The following HSBP1 variants were observed in gnomAD, a reference collection of about 807,000 sequenced individuals.
HSBP1 encodes the protein heat shock factor binding protein 1.
HSBP1 carries 5 observed loss-of-function variants against 9.6 expected under a neutral mutation model. That is an observed-to-expected ratio of 0.52 (90% CI 0.27 to 1.09). The LOEUF is 1.09. Among genes scored for constraint, HSBP1 ranks in the 50% least tolerant of loss-of-function variants. The pLI is 0.11. For missense variants in HSBP1, 121 were observed against 96.3 expected, an observed-to-expected ratio of 1.26 and a Z score of -1.07; for synonymous variants, 42 against 33.3, an observed-to-expected ratio of 1.26 and a Z score of -0.90.
In HSBP1 at chr16:83,811,470, G is replaced by T. The variant is rs1198692416; in HGVS notation, c.*52G>T. The T allele has an allele frequency of 6.6e-6, 1 of 152,232 alleles. No homozygotes were observed. Among genetic ancestry groups the T allele is most frequent in the African/African-American group, 2.4e-5 (1 of 41,456 alleles). The allele number at this position is 152,232 out of a possible 1,614,324, so 9.4% of individuals were successfully genotyped here. On this transcript the variant is annotated 3_prime_UTR_variant, in exon 4 of 4. Transcript: ENST00000433866. ...CTGGCATTTTTCCAAGCCAAGAGAA[G>T]ATCGAATGGCTTTTTGCAGCTAACT...
chr16:83,813,047 AT>A lies in HSBP1; in HGVS notation c.*1630del, dbSNP rs1255412354. ...TTGGTTTTCAGATGGAAATGCAGAA[AT>A]CACATTAGAGTATCAACTAAAACCT... On this transcript the variant is annotated 3_prime_UTR_variant, in exon 4 of 4. Coordinates refer to ENST00000433866, the MANE Select transcript of HSBP1 (RefSeq NM_001537.4). The A allele has an allele frequency of 5.3e-5, 8 of 152,270 alleles. No individual in the cohort carries two copies. The highest frequency in any genetic ancestry group is 1.9e-4 in the African/African-American group (8 of 41,460). The allele number at this position is 152,270 out of a possible 1,614,324, so 9.4% of individuals were successfully genotyped here.
At chr16:83,809,108 A>G (rs1904535084) in intron 2 of HSBP1, 197 bp from the exon 3 acceptor site, 1 of 561,806 alleles carries the variant, frequency 1.8e-6, no homozygotes, top group Non-Finnish European at 3.2e-6. Context: ...ATCACTAGTA[A>G]GGGTCAGGGC....
chr16:83,808,100 C>T lies in HSBP1; in HGVS notation c.24C>T (p.Thr8=), dbSNP rs1327857342. 2.6e-6 allele frequency: 4 copies of T among 1,547,114 alleles called. No individual in the cohort carries two copies. Among genetic ancestry groups the T allele is most frequent in the South Asian group, 1.2e-5 (1 of 83,996 alleles). Residue 8 remains threonine (T), a synonymous_variant, in exon 1 of 4, where the codon ACC becomes ACT. Coordinates refer to ENST00000433866, the MANE Select transcript of HSBP1 (RefSeq NM_001537.4). ...AGATGGCCGAGACTGACCCCAAGAC[C>T]GTGCAGGACCTCACCTCGGTGGTAA... MAETDPK[T]VQDLTSVVQT...
chr16:83,810,417 C>T (rs1904573329), intron 3 of HSBP1, among the ~76,000 whole-genome samples: 2 of 143,864 alleles, frequency 1.4e-5, no homozygotes, highest in African/African-American at 5.2e-5. Flanking sequence ...TCATTTATAA[C>T]ATTTTAATTC....
rs1749549480 is a variant in HSBP1 at position 83,819,161 on chromosome 16, C to G, written c.*7743C>G. ...GCTTTAGGGTCAAATATGTCTAAAC[C>G]AAGAAGCCCCATGGGGCACTGATTA... On this transcript the variant is annotated 3_prime_UTR_variant, in exon 4 of 4. Coordinates refer to ENST00000433866, the MANE Select transcript of HSBP1 (RefSeq NM_001537.4). 6.6e-6 allele frequency: 1 copy of G among 151,810 alleles called. No homozygotes were observed. Among genetic ancestry groups the G allele is most frequent in the African/African-American group, 2.4e-5 (1 of 41,310 alleles). 9.4% of individuals were successfully genotyped at this position (151,810 alleles called of 1,614,324 possible). A position where few individuals can be genotyped will look rare whatever the true frequency, so the allele number is the denominator to read the frequency against.
chr16:83,811,017 G>T (rs1486873364), intron 3 of HSBP1, among the ~76,000 whole-genome samples: 1 of 152,192 alleles, frequency 6.6e-6, no homozygotes, highest in Non-Finnish European at 1.5e-5. Flanking sequence ...CACTGTGTGA[G>T]TAAATCACAT....
chr16:83,819,613 C>G lies in HSBP1; in HGVS notation c.*8195C>G, dbSNP rs1291423160. 6.6e-6 allele frequency: 1 copy of G among 152,136 alleles called. No homozygotes were observed. Among genetic ancestry groups the G allele is most frequent in the African/African-American group, 2.4e-5 (1 of 41,424 alleles). The allele number at this position is 152,136 out of a possible 1,614,324, so 9.4% of individuals were successfully genotyped here. A position where few individuals can be genotyped will look rare whatever the true frequency, so the allele number is the denominator to read the frequency against. ...AACTCTTAAGCCACAAAAGGATATC[C>G]AATCATTTAAAGCTTCCTGAGTGTT... On this transcript the variant is annotated 3_prime_UTR_variant, in exon 4 of 4. Transcript: ENST00000433866.
chr16:83,808,810 G>A, intron 2 of HSBP1, 64 bp downstream of exon 2: 3 of 1,164,914 alleles, frequency 2.6e-6, no homozygotes, highest in Non-Finnish European at 3.8e-6. Flanking sequence ...GGGCAGTGGT[G>A]GGGATAAATG....
chr16:83,817,380 G>A lies in HSBP1; in HGVS notation c.*5962G>A, dbSNP rs1166432254. The A allele has an allele frequency of 1.3e-5, 2 of 152,252 alleles. No homozygotes were observed. The highest frequency in any genetic ancestry group is 2.4e-5 in the African/African-American group (1 of 41,456). The allele number at this position is 152,252 out of a possible 1,614,324, so 9.4% of individuals were successfully genotyped here. On this transcript the variant is annotated 3_prime_UTR_variant, in exon 4 of 4. Transcript: ENST00000433866. ...AAGGATTTCTGATTCCCTGATGGGT[G>A]ATGACTCAGTAACCGGATTCAGCTT...
At position 83,809,385 on chromosome 16, in the gene HSBP1, G is replaced by A. The variant is rs1423576225; in HGVS notation, c.193G>A (p.Glu65Lys). The change falls in exon 3 of 4, where the codon GAA becomes AAA. Residue 65 changes from glutamate (E) to lysine (K), a missense_variant. Glu to Lys is a moderately conservative substitution (Grantham distance 56). Transcript: ENST00000433866. Reference protein sequence around the residue: ...LMTQAGVEELESENKIPATQK... With the variant: ...LMTQAGVEELKSENKIPATQK... ...GACACAGGCTGGGGTGGAAGAACTG[G>A]AAAGTGAAAACAAGATACCTGCCAC... 6 of 1,604,344 alleles carry A rather than the reference G, an allele frequency of 3.7e-6. No homozygotes were observed. Among genetic ancestry groups the A allele is most frequent in the African/African-American group, 1.3e-5 (1 of 74,634 alleles).
Position 83,808,009 on chromosome 16 carries a change from G to C in HSBP1, c.-68G>C. The C allele has an allele frequency of 7.2e-7, 1 of 1,393,106 alleles. No homozygotes were observed. The highest frequency in any genetic ancestry group is 9.7e-7 in the Non-Finnish European group (1 of 1,032,206). The allele number at this position is 1,393,106 out of a possible 1,614,324, so 86.3% of individuals were successfully genotyped here. A position where few individuals can be genotyped will look rare whatever the true frequency, so the allele number is the denominator to read the frequency against. On this transcript the variant is annotated 5_prime_UTR_variant, in exon 1 of 4. Coordinates refer to ENST00000433866, the MANE Select transcript of HSBP1 (RefSeq NM_001537.4). ...GTCGCGAGAAGCAGCGGCCCGGGGC[G>C]ACTGAGCGGACAAACGGAAGTGTAG...
rs1291752606 is a variant in HSBP1 at position 83,814,612 on chromosome 16, G to T, written c.*3194G>T. On this transcript the variant is annotated 3_prime_UTR_variant, in exon 4 of 4. Coordinates refer to ENST00000433866, the MANE Select transcript of HSBP1 (RefSeq NM_001537.4). The stretch of plus-strand genomic sequence containing the variant: ...TGTCCAGGCTGTCTGGAAATCATCA[G>T]CCCCACTGGCTGGATCTCAAAATTT... The T allele has an allele frequency of 6.6e-6, 1 of 152,240 alleles. No individual in the cohort carries two copies. Among genetic ancestry groups the T allele is most frequent in the Non-Finnish European group, 1.5e-5 (1 of 68,060 alleles). The allele number at this position is 152,240 out of a possible 1,614,324, so 9.4% of individuals were successfully genotyped here. A position where few individuals can be genotyped will look rare whatever the true frequency, so the allele number is the denominator to read the frequency against.
In HSBP1 at chr16:83,813,641, G is replaced by A. The variant is rs1490867744; in HGVS notation, c.*2223G>A. On this transcript the variant is annotated 3_prime_UTR_variant, in exon 4 of 4. Transcript: ENST00000433866. ...TCCAAGGGTCTTTTTTATACTATAT[G>A]AAGTATTCCTTCTCCAGCTATTCTT... 2 of 152,244 alleles carry A rather than the reference G, an allele frequency of 1.3e-5. No homozygotes were observed. Among genetic ancestry groups the A allele is most frequent in the Non-Finnish European group, 2.9e-5 (2 of 68,100 alleles). 9.4% of individuals were successfully genotyped at this position (152,244 alleles called of 1,614,324 possible). A position where few individuals can be genotyped will look rare whatever the true frequency, so the allele number is the denominator to read the frequency against.
In HSBP1 at chr16:83,817,500, G is replaced by T. The variant is rs982944954; in HGVS notation, c.*6082G>T. On this transcript the variant is annotated 3_prime_UTR_variant, in exon 4 of 4. Transcript: ENST00000433866. ...TCTCATTCACTGCTCAGAGGCTCTC[G>T]AAAGCTGTTGACATTATCAAAAAGT... is the stretch of plus-strand genomic sequence containing the variant. The T allele has an allele frequency of 6.6e-6, 1 of 152,128 alleles. No homozygotes were observed. Among genetic ancestry groups the T allele is most frequent in the Non-Finnish European group, 1.5e-5 (1 of 68,024 alleles). The allele number at this position is 152,128 out of a possible 1,614,324, so 9.4% of individuals were successfully genotyped here.
At position 83,808,126 on chromosome 16, in the gene HSBP1, G is replaced by A; in HGVS notation, c.45+5G>A. The A allele has an allele frequency of 6.5e-7, 1 of 1,545,546 alleles. No homozygotes were observed. Reference sequence around the variant, plus strand: ...GTGCAGGACCTCACCTCGGTGGTAAGGGACGGCTGTGAGGGCCGGAGGCCG... The same window carrying A: ...GTGCAGGACCTCACCTCGGTGGTAAAGGACGGCTGTGAGGGCCGGAGGCCG... On this transcript the variant is annotated splice_donor_5th_base_variant and intron_variant, in intron 1 of 3. Coordinates refer to ENST00000433866, the MANE Select transcript of HSBP1 (RefSeq NM_001537.4).
intron 3 of HSBP1, among the ~76,000 whole-genome samples, chr16:83,809,890 G>A (rs1904561643): frequency 6.6e-6 from 1 of 152,096 alleles, no homozygotes; most frequent in Admixed American, 6.6e-5. Context: ...TTGTTTACCT[G>A]CTGTGGACTT....
chr16:83,808,260 G>C, intron 1 of HSBP1, 139 bp downstream of exon 1: 1 of 758,958 alleles, frequency 1.3e-6, no homozygotes, highest in Non-Finnish European at 2.1e-6. Context: ...CTCTGGCCGA[G>C]GCTCCCGGCC....
chr16:83,808,470 C>CT (rs1303496870), intron 1 of HSBP1: 1 of 583,728 alleles, frequency 1.7e-6, no homozygotes, highest in African/African-American at 1.9e-5. Flanking sequence ...AGACCCTGAG[C>CT]TTTGAGTCGC....
rs1904767216 is a variant in HSBP1 at position 83,818,375 on chromosome 16, A to G, written c.*6957A>G. 6.6e-6 allele frequency: 1 copy of G among 152,214 alleles called. No homozygotes were observed. 9.4% of individuals were successfully genotyped at this position (152,214 alleles called of 1,614,324 possible). A position where few individuals can be genotyped will look rare whatever the true frequency, so the allele number is the denominator to read the frequency against. ...CAAAAACTCTGGAATCACTGACCCC[A>G]GACATTGTTCCCTGCCATCCACTCT... On this transcript the variant is annotated 3_prime_UTR_variant, in exon 4 of 4. Coordinates refer to ENST00000433866, the MANE Select transcript of HSBP1 (RefSeq NM_001537.4).
Sources: allele counts gnomAD v4.1 joint callset (sites outside exome capture counted in the v4.1 genomes callset), GRCh38; gene constraint gnomAD v4.1.1; transcripts MANE v1.5; gene names NCBI Gene and HGNC (gene_info 2026-07-23, HGNC 2026-07-21).